The following NUDCD3 variants were observed in gnomAD, a reference collection of about 807,000 sequenced individuals.
NUDCD3 encodes nudC domain-containing protein 3.
A neutral mutation model predicts 39.7 loss-of-function variants in NUDCD3; 13 were observed. That is an observed-to-expected ratio of 0.33 (90% confidence interval 0.21 to 0.52). NUDCD3 has a LOEUF of 0.52. Among genes scored for constraint, NUDCD3 ranks in the 20% least tolerant of loss-of-function variants. The pLI is 0.96. For missense variants in NUDCD3, 453 were observed against 458.1 expected (o/e 0.99, Z 0.10); for synonymous variants, 175 against 172.4 (o/e 1.02, Z -0.12).
intron 1 of NUDCD3, among the ~76,000 whole-genome samples, chr7:44,486,880 A>C (rs543482096): frequency 6.6e-6 from 1 of 152,248 alleles, no homozygotes; most frequent in African/African-American, 2.4e-5. Context: ...CCCAACTATC[A>C]CATGTTCTCA....
intron 4 of NUDCD3, among the ~76,000 whole-genome samples, chr7:44,395,541 T>C (rs1798607789): frequency 6.6e-6 from 1 of 152,212 alleles, no homozygotes; most frequent in African/African-American, 2.4e-5. Flanking sequence ...CAATTATCAG[T>C]CACTCCCCAT....
intron 4 of NUDCD3, among the ~76,000 whole-genome samples, chr7:44,401,901 A>G (rs1420878870): frequency 6.6e-6 from 1 of 152,226 alleles, no homozygotes; most frequent in Non-Finnish European, 1.5e-5. Context: ...ACATCCAGCT[A>G]TCCTCTTAAG....
At chr7:44,447,379 C>A (rs941268496) in intron 2 of NUDCD3, among the ~76,000 whole-genome samples, 2 of 152,216 alleles carry the variant, frequency 1.3e-5, no homozygotes, top group African/African-American at 4.8e-5. Context: ...TTGAATGTGT[C>A]TCCTCCAAAA....
At chr7:44,422,830 A>G (rs974695134) in intron 3 of NUDCD3, among the ~76,000 whole-genome samples, 1 of 152,234 alleles carries the variant, frequency 6.6e-6, no homozygotes, top group African/African-American at 2.4e-5. Flanking sequence ...AACCTGGCAG[A>G]GACACAACAA....
rs1211048260 is a variant in NUDCD3, at chr7:44,396,113, G to GTGTC, written c.787-3629_787-3628insGACA. Among the ~76,000 whole-genome samples, 833 of 151,588 alleles carry GTGTC rather than the reference G, an allele frequency of 5.5e-3. 13 individuals are homozygous for GTGTC. The highest frequency in any genetic ancestry group is 0.019 in the African/African-American group (800 of 41,364). On this transcript the variant is annotated intron_variant, in intron 4 of 5. Coordinates refer to ENST00000355451, the MANE Select transcript of NUDCD3 (RefSeq NM_015332.4). ...TGTGTGTGTGTGTGTGTGTGTGTGTGTGTGTGTGTGTGTTTAATTACAGCC... is the reference window on the plus strand; with the variant it reads ...TGTGTGTGTGTGTGTGTGTGTGTGTGTGTCTGTGTGTGTGTGTTTAATTACAGCC...
At chr7:44,428,149 AAG>A (rs1799275737) in intron 2 of NUDCD3, among the ~76,000 whole-genome samples, 1 of 150,466 alleles carries the variant, frequency 6.6e-6, no homozygotes, top group African/African-American at 2.4e-5. Flanking sequence ...AAAAAAAAAA[AAG>A]AGGCCAGGCG....
At chr7:44,448,870 A>G (rs374609663) in intron 2 of NUDCD3, among the ~76,000 whole-genome samples, 32 of 152,262 alleles carry the variant, frequency 2.1e-4, no homozygotes, top group African/African-American at 7.2e-4. Context: ...TCACAGTGAT[A>G]GCATGATTTA....
chr7:44,391,405 T>C (rs1282834612), intron 5 of NUDCD3, among the ~76,000 whole-genome samples: 2 of 152,144 alleles, frequency 1.3e-5, no homozygotes, highest in Admixed American at 1.3e-4. Flanking sequence ...CTACGATGTA[T>C]TAATACGTGC....
intron 2 of NUDCD3, among the ~76,000 whole-genome samples, chr7:44,452,488 G>A (rs1286081264): frequency 2.0e-5 from 3 of 152,164 alleles, no homozygotes; most frequent in African/African-American, 7.2e-5. Flanking sequence ...GTGTGGACAC[G>A]CTGAAGACAC....
At chr7:44,464,353 T>C (rs750450587) in intron 2 of NUDCD3, among the ~76,000 whole-genome samples, 1 of 152,102 alleles carries the variant, frequency 6.6e-6, no homozygotes. Flanking sequence ...TTGAGTTAAA[T>C]TACGTTTTTT....
intron 2 of NUDCD3, among the ~76,000 whole-genome samples, chr7:44,454,964 CA>C (rs1162475579): frequency 2.0e-5 from 3 of 152,010 alleles, no homozygotes; most frequent in Non-Finnish European, 2.9e-5. Context: ...CACACACACA[CA>C]CACCCTTTCT....
Position 44,427,694 on chromosome 7 carries a change from C to T in NUDCD3, c.519G>A (p.Glu173=), listed in dbSNP as rs138225063. The change falls in exon 3 of 6, where the codon GAG becomes GAA. Residue 173 remains glutamate (E), a synonymous_variant. Coordinates refer to ENST00000355451, the MANE Select transcript of NUDCD3 (RefSeq NM_015332.4). ...REPPILPRIQ[E]QFQKNPDSYN... ...AACTGTCGGGATTTTTCTGGAACTG[C>T]TCCTGAATCCTGAGAAAGAATAAAA... is the stretch of plus-strand genomic sequence containing the variant. 7.8e-5 allele frequency: 126 copies of T among 1,613,938 alleles called. No homozygotes were observed. In the African/African-American group the frequency reaches 1.4e-3, roughly 17 times the overall value.
intron 2 of NUDCD3, 142 bp downstream of exon 2, chr7:44,484,826 T>C: frequency 2.9e-6 from 2 of 685,472 alleles, no homozygotes; most frequent in Non-Finnish European, 2.4e-6. Context: ...AAGACTGTAA[T>C]GCAGCAGTTT....
chr7:44,475,947 T>C (rs1246917189), intron 2 of NUDCD3, among the ~76,000 whole-genome samples: 1 of 151,998 alleles, frequency 6.6e-6, no homozygotes, highest in Non-Finnish European at 1.5e-5. Context: ...TTAAGAGAAA[T>C]AATAGTAACG....
rs188355307 is a variant in NUDCD3, at chr7:44,413,812, G to T, written c.643-9229C>A. On this transcript the variant is annotated intron_variant, in intron 3 of 5. Coordinates refer to ENST00000355451, the MANE Select transcript of NUDCD3 (RefSeq NM_015332.4). The stretch of plus-strand genomic sequence containing the variant: ...TCACGCCTGTAATCCCAGCACTTTG[G>T]GAGACCAAGGTAAATGGACTGCTTG... 9.9e-5 allele frequency among the ~76,000 whole-genome samples: 15 copies of T among 152,238 alleles called. No individual in the cohort carries two copies. The East Asian group carries it at 2.9e-3, about 29-fold the overall frequency.
intron 3 of NUDCD3, among the ~76,000 whole-genome samples, chr7:44,405,309 C>G (rs1375323451): frequency 6.6e-6 from 1 of 152,190 alleles, no homozygotes; most frequent in South Asian, 2.1e-4. Flanking sequence ...CCCCACCGCC[C>G]TAGGAACACC....
chr7:44,411,282 A>C (rs1563168623), intron 3 of NUDCD3, among the ~76,000 whole-genome samples: 1 of 152,182 alleles, frequency 6.6e-6, no homozygotes, highest in Non-Finnish European at 1.5e-5. Flanking sequence ...AAAAATATTG[A>C]CTTCATCAAA....
chr7:44,394,635 T>C (rs1198000078), intron 4 of NUDCD3, among the ~76,000 whole-genome samples: 1 of 152,212 alleles, frequency 6.6e-6, no homozygotes, highest in African/African-American at 2.4e-5. Context: ...ACACATACCA[T>C]TACCATTTAC....
chr7:44,488,425 T>C (rs563684777), intron 1 of NUDCD3, among the ~76,000 whole-genome samples: 4 of 152,092 alleles, frequency 2.6e-5, no homozygotes, highest in Non-Finnish European at 5.9e-5. Context: ...GACACCTCTC[T>C]TAAGCATCTG....
Sources: allele counts gnomAD v4.1 joint callset (sites outside exome capture counted in the v4.1 genomes callset), GRCh38; gene constraint gnomAD v4.1.1; transcripts MANE v1.5; gene names NCBI Gene and HGNC (gene_info 2026-07-23, HGNC 2026-07-21).